Variants in FAM107B observed in about 807,000 individuals in gnomAD.
FAM107B encodes protein FAM107B.
A neutral mutation model predicts 31.5 loss-of-function variants in FAM107B; 21 were observed. The observed-to-expected ratio is 0.67, with a 90% CI of 0.47 to 0.96. FAM107B has a LOEUF of 0.96. Ranked by LOEUF, FAM107B falls within the 40% of genes least tolerant of loss-of-function variation. The probability of loss-of-function intolerance (pLI) is 0.00; values close to 1 mark genes in which losing one functional copy is unlikely to be tolerated. For missense variants in FAM107B, 452 were observed against 377.1 expected (o/e 1.20, Z -1.64); for synonymous variants, 157 against 141.5 (o/e 1.11, Z -0.78).
intron 2 of FAM107B, among the ~76,000 whole-genome samples, chr10:14,624,665 A>C (rs1282362463): frequency 6.6e-6 from 1 of 152,146 alleles, no homozygotes; most frequent in Non-Finnish European, 1.5e-5. Context: ...GTCAACTCCC[A>C]AAGAACTTGA....
At chr10:14,596,880 C>A (rs553207410) in intron 2 of FAM107B, among the ~76,000 whole-genome samples, 39 of 152,300 alleles carry the variant, frequency 2.6e-4, no homozygotes, top group Non-Finnish European at 4.0e-4. Context: ...GCTTCTATCT[C>A]ACCCTAAGAC....
In FAM107B at chr10:14,559,520, G is replaced by A. The variant is rs1268497465; in HGVS notation, c.470-29005C>T. ...GAAAAGGGTCCCCTAAGCAATTTCAGCACCAAACTTCAGTCCTATAAGCCC... is the reference window on the plus strand; with the variant it reads ...GAAAAGGGTCCCCTAAGCAATTTCAACACCAAACTTCAGTCCTATAAGCCC... On this transcript the variant is annotated intron_variant, in intron 2 of 4. Coordinates refer to ENST00000181796, the MANE Select transcript of FAM107B (RefSeq NM_031453.4). Among the ~76,000 whole-genome samples the A allele has an allele frequency of 4.7e-5, 7 of 149,522 alleles. 1 individual carries two copies. In the East Asian group the frequency reaches 1.4e-3, roughly 29 times the overall value.
chr10:14,742,936 C>G (rs2131575243), intron 1 of FAM107B, among the ~76,000 whole-genome samples: 1 of 152,308 alleles, frequency 6.6e-6, no homozygotes, highest in South Asian at 2.1e-4. Flanking sequence ...CCACCAAGAT[C>G]AAATGCACAC....
rs1397813418 is a variant in FAM107B at position 14,558,241 on chromosome 10, TCACATACGTGCACGCGCACAGTCA to T, written c.470-27750_470-27727del. ...TTCACACACATGTGCATGCGCACACTCACATACGTGCACGCGCACAGTCACACATACGTGCACGCACACACACAC... is the reference window on the plus strand; with the variant it reads ...TTCACACACATGTGCATGCGCACACTCACATACGTGCACGCACACACACAC... On this transcript the variant is annotated intron_variant, in intron 2 of 4. Coordinates refer to ENST00000181796, the MANE Select transcript of FAM107B (RefSeq NM_031453.4). Among the ~76,000 whole-genome samples the T allele has an allele frequency of 4.6e-5, 7 of 151,808 alleles. No individual in the cohort carries two copies. The South Asian group carries it at 6.3e-4, about 14-fold the overall frequency.
At chr10:14,717,097 A>C (rs1352573234) in intron 1 of FAM107B, among the ~76,000 whole-genome samples, 2 of 152,224 alleles carry the variant, frequency 1.3e-5, no homozygotes, top group South Asian at 4.2e-4. Context: ...CAAAAATAAA[A>C]ATTAAAAATT....
chr10:14,606,154 C>A (rs1288141765), intron 2 of FAM107B, among the ~76,000 whole-genome samples: 1 of 152,098 alleles, frequency 6.6e-6, no homozygotes, highest in African/African-American at 2.4e-5. Flanking sequence ...GCCAGAGTGC[C>A]GTATTTGCTA....
chr10:14,558,255 G>A (rs935764431), intron 2 of FAM107B, among the ~76,000 whole-genome samples: 13 of 152,000 alleles, frequency 8.6e-5, no homozygotes, highest in Admixed American at 1.3e-4. Context: ...ATACGTGCAC[G>A]CGCACAGTCA....
intron 2 of FAM107B, among the ~76,000 whole-genome samples, chr10:14,614,721 G>T (rs994656257): frequency 2.0e-5 from 3 of 150,754 alleles, no homozygotes; most frequent in African/African-American, 7.3e-5. Flanking sequence ...AATGGCCAGT[G>T]AAAGTGAATG....
chr10:14,527,662 AAG>A (rs1284608218), intron 3 of FAM107B, among the ~76,000 whole-genome samples: 1 of 152,236 alleles, frequency 6.6e-6, no homozygotes, highest in Non-Finnish European at 1.5e-5. Flanking sequence ...GGCTATTAGA[AAG>A]AGCACCAGAT....
chr10:14,739,787 TG>T (rs1856394555), intron 1 of FAM107B, among the ~76,000 whole-genome samples: 1 of 152,172 alleles, frequency 6.6e-6, no homozygotes, highest in South Asian at 2.1e-4. Flanking sequence ...CTAAAGCCAA[TG>T]AGAGACACCG....
At chr10:14,648,831 T>C (rs898008282) in intron 2 of FAM107B, among the ~76,000 whole-genome samples, 2 of 152,212 alleles carry the variant, frequency 1.3e-5, no homozygotes, top group African/African-American at 4.8e-5. Flanking sequence ...CATAAATATT[T>C]ATCGAGGACT....
chr10:14,536,795 G>C (rs974084729), intron 2 of FAM107B, among the ~76,000 whole-genome samples: 1 of 152,096 alleles, frequency 6.6e-6, no homozygotes, highest in Non-Finnish European at 1.5e-5. Flanking sequence ...CTATGGCTAC[G>C]GGACAGTCCT....
chr10:14,565,183 A>C (rs1314860123), intron 2 of FAM107B, among the ~76,000 whole-genome samples: 4 of 152,220 alleles, frequency 2.6e-5, no homozygotes, highest in African/African-American at 9.7e-5. Context: ...AAAGCAGTAA[A>C]ACTCCCTGCC....
At chr10:14,558,290 CAT>C (rs1419476532) in intron 2 of FAM107B, among the ~76,000 whole-genome samples, 2 of 149,040 alleles carry the variant, frequency 1.3e-5, no homozygotes, top group Non-Finnish European at 2.9e-5. Flanking sequence ...CACACACACA[CAT>C]ACACGCACAC....
chr10:14,623,697 A>G (rs912717725), intron 2 of FAM107B, among the ~76,000 whole-genome samples: 1 of 152,138 alleles, frequency 6.6e-6, no homozygotes, highest in Non-Finnish European at 1.5e-5. Context: ...GTGGTAGTGC[A>G]GGTCTGTAAT....
chr10:14,621,899 G>C (rs1205399506), intron 2 of FAM107B, among the ~76,000 whole-genome samples: 1 of 152,204 alleles, frequency 6.6e-6, no homozygotes, highest in Non-Finnish European at 1.5e-5. Context: ...TTGCAGTTAA[G>C]AGAGGGTCTG....
intron 2 of FAM107B, chr10:14,554,082 T>G: frequency 1.0e-6 from 1 of 984,112 alleles, no homozygotes; most frequent in Non-Finnish European, 1.2e-6. Context: ...ATATAATTAA[T>G]GTATAGTAGA....
chr10:14,734,521 T>C (rs540403047), intron 1 of FAM107B, among the ~76,000 whole-genome samples: 42 of 148,002 alleles, frequency 2.8e-4, no homozygotes, highest in African/African-American at 1.0e-3. Context: ...TCAGCTATCG[T>C]TAGTGTTAGT....
intron 2 of FAM107B, among the ~76,000 whole-genome samples, chr10:14,588,955 G>A (rs1015216512): frequency 6.6e-6 from 1 of 152,044 alleles, no homozygotes; most frequent in African/African-American, 2.4e-5. Context: ...GCCAAAGCAG[G>A]CAGATCACTT....
Sources: gnomAD v4.1 joint callset for allele counts (sites outside exome capture counted in the v4.1 genomes callset) on GRCh38, gnomAD v4.1.1 for gene constraint, MANE v1.5 for transcripts, NCBI Gene and HGNC (gene_info 2026-07-23, HGNC 2026-07-21) for gene names.